Variants in MTMR2 observed in about 807,000 individuals in gnomAD.
MTMR2 encodes the protein phosphatidylinositol-3,5-bisphosphate 3-phosphatase MTMR2.
A neutral mutation model predicts 86.9 loss-of-function variants in MTMR2; 55 were observed. That is an observed-to-expected ratio of 0.63 (90% CI 0.51 to 0.79). MTMR2 has a LOEUF of 0.79. Ranked by LOEUF, MTMR2 falls within the 30% of genes least tolerant of loss-of-function variation. MTMR2 has a pLI of 0.00. For synonymous variants in MTMR2, 241 were observed against 266.8 expected (o/e 0.90, Z 0.94); for missense variants, 659 against 772.3 (o/e 0.85, Z 1.74).
intron 13 of MTMR2, among the ~76,000 whole-genome samples, chr11:95,837,679 C>G (rs113223803): frequency 6.6e-6 from 1 of 151,924 alleles, no homozygotes; most frequent in Non-Finnish European, 1.5e-5. Flanking sequence ...AAAACTTAAC[C>G]TAAAATGTCT....
At chr11:95,893,174 AT>A (rs1297115082) in intron 1 of MTMR2, among the ~76,000 whole-genome samples, 1 of 152,082 alleles carries the variant, frequency 6.6e-6, no homozygotes, top group Non-Finnish European at 1.5e-5. Context: ...CATTATGGGA[AT>A]TTTATTATCC....
chr11:95,908,419 G>A (rs1485352533), intron 1 of MTMR2, among the ~76,000 whole-genome samples: 3 of 152,030 alleles, frequency 2.0e-5, no homozygotes, highest in Admixed American at 2.0e-4. Context: ...ACTACCCTAA[G>A]CAATTTACAG....
At chr11:95,867,812 C>T (rs1864671492) in intron 2 of MTMR2, among the ~76,000 whole-genome samples, 4 of 101,792 alleles carry the variant, frequency 3.9e-5, no homozygotes, top group Non-Finnish European at 7.8e-5. Flanking sequence ...AAAAAAAAGG[C>T]CTAGAAAAAA....
At chr11:95,871,975 T>C (rs1195695997) in intron 2 of MTMR2, among the ~76,000 whole-genome samples, 15 of 152,164 alleles carry the variant, frequency 9.9e-5, no homozygotes, top group Non-Finnish European at 1.5e-4. Flanking sequence ...TTCCCAGCAC[T>C]GTTTATTAAA....
chr11:95,900,670 C>T (rs1866041004), intron 1 of MTMR2, among the ~76,000 whole-genome samples: 1 of 151,994 alleles, frequency 6.6e-6, no homozygotes, highest in East Asian at 1.9e-4. Flanking sequence ...CTCTCATGCA[C>T]ATCATTCTGC....
chr11:95,914,291 T>G (rs1322826868), intron 1 of MTMR2: 2 of 972,396 alleles, frequency 2.1e-6, no homozygotes, highest in Admixed American at 6.1e-5. Context: ...TCTTCAAATG[T>G]CAATGGCTCT....
At position 95,847,786 on chromosome 11, in the gene MTMR2, A is replaced by G. The variant is rs772223249; in HGVS notation, c.1107T>C (p.Ile369=). The G allele has an allele frequency of 1.2e-6, 2 of 1,613,722 alleles. No homozygotes were observed. The highest frequency in any genetic ancestry group is 4.5e-5 in the East Asian group (2 of 44,852). ...MRESLRKLKE[I]VYPNIEETHW... ...GGGTTTCCTCAATGTTGGGGTACAC[A>G]ATCTCCTTAAGTTTTCGTAATGATT... Residue 369 remains isoleucine (I), a synonymous_variant, in exon 10 of 15, where the codon ATT becomes ATC. Coordinates refer to ENST00000346299, the MANE Select transcript of MTMR2 (RefSeq NM_016156.6).
chr11:95,859,184 C>A (rs1287595980), intron 5 of MTMR2, among the ~76,000 whole-genome samples: 2 of 152,164 alleles, frequency 1.3e-5, no homozygotes, highest in Non-Finnish European at 2.9e-5. Flanking sequence ...TAGAACTAAA[C>A]CCTGCCTGAA....
chr11:95,865,439 C>G, intron 3 of MTMR2, 162 bp downstream of exon 3: 1 of 727,632 alleles, frequency 1.4e-6, no homozygotes. Flanking sequence ...TCTAGGCTTA[C>G]GTTTGTAGAA....
chr11:95,851,360 ATTTAT>A (rs1351302223), intron 7 of MTMR2, among the ~76,000 whole-genome samples: 1 of 146,206 alleles, frequency 6.8e-6, no homozygotes, highest in Non-Finnish European at 1.5e-5. Flanking sequence ...CCTATTCTTT[ATTTAT>A]TTATTTATTT....
intron 2 of MTMR2, among the ~76,000 whole-genome samples, chr11:95,876,363 A>G (rs1261433030): frequency 2.6e-5 from 4 of 152,328 alleles, no homozygotes; most frequent in East Asian, 1.9e-4. Flanking sequence ...TTAGTGGAGA[A>G]TAAGTTACAT....
chr11:95,835,854 A>G (rs1488937005), intron 14 of MTMR2, among the ~76,000 whole-genome samples: 3 of 152,174 alleles, frequency 2.0e-5, no homozygotes, highest in South Asian at 4.1e-4. Context: ...ACTTTCCTAA[A>G]GCTACTTTCT....
At chr11:95,866,604 T>C (rs938715914) in intron 2 of MTMR2, 10 of 151,296 alleles carry the variant, frequency 6.6e-5, no homozygotes, top group African/African-American at 2.4e-4. Context: ...AAAGAAATAG[T>C]ATATACACAC....
chr11:95,884,326 T>C (rs761794606), intron 2 of MTMR2, among the ~76,000 whole-genome samples: 2 of 152,214 alleles, frequency 1.3e-5, no homozygotes, highest in Non-Finnish European at 2.9e-5. Context: ...TATTAAGAAA[T>C]ATTGAAACCC....
chr11:95,905,248 T>C (rs7927947), intron 1 of MTMR2, among the ~76,000 whole-genome samples: 10,445 of 151,822 alleles, frequency 0.069, 1,079 homozygotes, highest in African/African-American at 0.23. Context: ...CTCTCCTTAA[T>C]GATCTCATCC....
chr11:95,849,718 A>G lies in MTMR2; in HGVS notation c.949T>C (p.Phe317Leu). The stretch of plus-strand genomic sequence containing the variant: ...ACACTTGGCCGGGCATCAAATATAA[A>G]GATTTTGTGAGACTGGGCATTGGAA... Reference protein sequence around the residue: ...MDSNAQSHKIFIFDARPSVNA... With the variant: ...MDSNAQSHKILIFDARPSVNA... The change falls in exon 9 of 15, where the codon TTT (phenylalanine) becomes CTT (leucine). Residue 317 changes from phenylalanine to leucine, a missense_variant. This residue lies in a region of MTMR2 where 387 missense variants were observed against 526.3 expected (regional missense o/e 0.74). Coordinates refer to ENST00000346299, the MANE Select transcript of MTMR2 (RefSeq NM_016156.6). The G allele has an allele frequency of 6.2e-7, 1 of 1,614,102 alleles. No homozygotes were observed. Among genetic ancestry groups the G allele is most frequent in the East Asian group, 2.2e-5 (1 of 44,876 alleles).
At position 95,862,332 on chromosome 11, in the gene MTMR2, G is replaced by T; in HGVS notation, c.297C>A (p.Gly99=). Residue 99 remains glycine, a synonymous_variant, in exon 4 of 15, where the codon GGC becomes GGA. Coordinates refer to ENST00000346299, the MANE Select transcript of MTMR2 (RefSeq NM_016156.6). The stretch of plus-strand genomic sequence containing the variant: ...TGACAGTCAGAGTTCCTCGTACAGC[G>T]CCAGTGAATGGACATATATAAGTTA... ...KDVTYICPFT[G]AVRGTLTVTN... is the part of the protein sequence containing the mutation. The T allele has an allele frequency of 6.2e-7, 1 of 1,613,944 alleles. No individual in the cohort carries two copies. The highest frequency in any genetic ancestry group is 8.5e-7 in the Non-Finnish European group (1 of 1,179,920).
At position 95,845,165 on chromosome 11, in the gene MTMR2, A is replaced by G; in HGVS notation, c.1180-6T>C. On this transcript the variant is annotated splice_polypyrimidine_tract_variant and splice_region_variant and intron_variant, in intron 10 of 14. Transcript: ENST00000346299. Reference sequence around the variant, plus strand: ...AGAGCCCCTGCAAGAATAAGCTGGAAAACAGATTTTTTAATACATTGTTTT... The same window carrying G: ...AGAGCCCCTGCAAGAATAAGCTGGAGAACAGATTTTTTAATACATTGTTTT... 1.3e-6 allele frequency: 2 copies of G among 1,593,184 alleles called. No individual in the cohort carries two copies. Among genetic ancestry groups the G allele is most frequent in the East Asian group, 4.5e-5 (2 of 44,854 alleles).
intron 12 of MTMR2, among the ~76,000 whole-genome samples, chr11:95,840,827 T>G (rs976459831): frequency 1.2e-4 from 19 of 152,190 alleles, no homozygotes; most frequent in African/African-American, 4.6e-4. Context: ...TGCCCTACTT[T>G]AAATTCATAT....
Sources: allele counts gnomAD v4.1 joint callset (sites outside exome capture counted in the v4.1 genomes callset), GRCh38; gene constraint gnomAD v4.1.1; regional missense constraint gnomAD v4.1.1; transcripts MANE v1.5; gene names NCBI Gene and HGNC (gene_info 2026-07-23, HGNC 2026-07-21).